Variants in TMEM80 observed in about 807,000 individuals in gnomAD.
TMEM80 encodes the protein transmembrane protein 80.
A neutral mutation model predicts 13.6 loss-of-function variants in TMEM80; 16 were observed. The observed-to-expected ratio is 1.17, with a 90% confidence interval of 0.79 to 1.78. The LOEUF is 1.78. TMEM80 is among the 40% of genes most tolerant of loss of function. The pLI is 0.00. For synonymous variants in TMEM80, 92 were observed against 89.5 expected, an observed-to-expected ratio of 1.03 and a Z score of -0.16; for missense variants, 167 against 184.6, an observed-to-expected ratio of 0.90 and a Z score of 0.55.
At chr11:701,050 G>T in intron 4 of TMEM80, 1 of 360,212 alleles carries the variant, frequency 2.8e-6, no homozygotes. Flanking sequence ...CCTTCCCCTT[G>T]CCCTTAGCTG....
intron 2 of TMEM80, 183 bp from the exon 3 acceptor site, chr11:699,959 G>A (rs1422669861): frequency 5.2e-6 from 3 of 574,772 alleles, no homozygotes; most frequent in Admixed American, 6.1e-5. Context: ...CAGCTCATGG[G>A]ACCACATTGG....
chr11:703,860 G>A lies in TMEM80; in HGVS notation c.*710G>A, dbSNP rs1028833407. The A allele has an allele frequency of 2.5e-5, 31 of 1,236,224 alleles. No homozygotes were observed. Among genetic ancestry groups the A allele is most frequent in the East Asian group, 9.5e-5 (3 of 31,726 alleles). The allele number at this position is 1,236,224 out of a possible 1,614,324, so 76.6% of individuals were successfully genotyped here. On this transcript the variant is annotated 3_prime_UTR_variant, in exon 5 of 5. Coordinates refer to ENST00000397510, the MANE Select transcript of TMEM80 (RefSeq NM_001042463.3). ...ATGAGACTGCAGGAGAGAGAGCAGC[G>A]GAGGGCCACATTCGGAGCCTCCGTC...
chr11:699,815 A>T, intron 2 of TMEM80: 2 of 282,898 alleles, frequency 7.1e-6, no homozygotes, highest in Non-Finnish European at 1.3e-5. Context: ...GGCCAAAGGC[A>T]GGGTGACATC....
chr11:695,861 G>T lies in TMEM80; in HGVS notation c.19+15G>T, dbSNP rs1215589979. ...CCCGCGGCGAGGTGAGCTCGGGCGG[G>T]GTGGGGGCTTCCGGGCTTGCAGCGG... is the stretch of plus-strand genomic sequence containing the variant. On this transcript the variant is annotated intron_variant, in intron 1 of 4. Coordinates refer to ENST00000397510, the MANE Select transcript of TMEM80 (RefSeq NM_001042463.3). 1 of 1,228,412 alleles carries T rather than the reference G, an allele frequency of 8.1e-7. No homozygotes were observed. Among genetic ancestry groups the T allele is most frequent in the Non-Finnish European group, 1.0e-6 (1 of 984,900 alleles). The allele number at this position is 1,228,412 out of a possible 1,614,324, so 76.1% of individuals were successfully genotyped here. A position where few individuals can be genotyped will look rare whatever the true frequency, so the allele number is the denominator to read the frequency against.
chr11:699,192 C>G (rs1008410597), intron 2 of TMEM80: 2 of 474,024 alleles, frequency 4.2e-6, no homozygotes, highest in Non-Finnish European at 7.5e-6. Flanking sequence ...AAATCCCTCA[C>G]TTTGTCCCTA....
At chr11:698,085 A>C (rs1861280704) in intron 1 of TMEM80, 1 of 152,238 alleles carries the variant, frequency 6.6e-6, no homozygotes, top group Admixed American at 6.5e-5. Context: ...CTTTTATGAG[A>C]GGTTTCCACC....
Position 702,963 on chromosome 11 carries a change from CAG to C in TMEM80, c.248_249del (p.Glu83GlyfsTer2), listed in dbSNP as rs779900865. On this transcript the variant is annotated frameshift_variant, in exon 5 of 5. Transcript: ENST00000397510. LOFTEE classifies it low-confidence loss of function (END_TRUNC). Reference sequence around the variant, plus strand: ...TCTCCAGGCACCAGGGGCAACCTGACAGAGGCTGAGAGGCCGCTGGCCGCCAG... The same window carrying C: ...TCTCCAGGCACCAGGGGCAACCTGACAGGCTGAGAGGCCGCTGGCCGCCAG... The C allele has an allele frequency of 1.9e-6, 3 of 1,609,346 alleles. No homozygotes were observed. Among genetic ancestry groups the C allele is most frequent in the Admixed American group, 1.7e-5 (1 of 59,894 alleles).
chr11:700,773 C>T, intron 4 of TMEM80, 66 bp downstream of exon 4: 5 of 1,401,552 alleles, frequency 3.6e-6, no homozygotes, highest in Non-Finnish European at 5.1e-6. Flanking sequence ...CACAGCCTTT[C>T]AAGAGTAATT....
Position 703,370 on chromosome 11 carries a change from T to G in TMEM80, c.*220T>G, listed in dbSNP as rs1590040202. 1.4e-6 allele frequency: 2 copies of G among 1,389,168 alleles called. No homozygotes were observed. Among genetic ancestry groups the G allele is most frequent in the Admixed American group, 3.3e-5 (1 of 30,710 alleles). 86.1% of individuals were successfully genotyped at this position (1,389,168 alleles called of 1,614,324 possible). A position where few individuals can be genotyped will look rare whatever the true frequency, so the allele number is the denominator to read the frequency against. On this transcript the variant is annotated 3_prime_UTR_variant, in exon 5 of 5. Coordinates refer to ENST00000397510, the MANE Select transcript of TMEM80 (RefSeq NM_001042463.3). ...GTGTTGGGAACAGCTGCGGGGAGGGTAGGGACCAGACAGAACTGCCTTCAA... is the reference window on the plus strand; with the variant it reads ...GTGTTGGGAACAGCTGCGGGGAGGGGAGGGACCAGACAGAACTGCCTTCAA...
intron 1 of TMEM80, among the ~76,000 whole-genome samples, chr11:698,630 C>T (rs930433996): frequency 6.6e-5 from 10 of 152,132 alleles, no homozygotes; most frequent in East Asian, 1.9e-4. Flanking sequence ...CCGGTGCCCC[C>T]GGTACTCGCT....
intron 3 of TMEM80, 115 bp from the exon 4 acceptor site, chr11:700,500 C>T: frequency 3.4e-6 from 3 of 893,108 alleles, no homozygotes. Context: ...GAACTCCATC[C>T]TGGGTGACAG....
Position 703,369 on chromosome 11 carries a change from G to A in TMEM80, c.*219G>A. 2.9e-6 allele frequency: 4 copies of A among 1,391,180 alleles called. No individual in the cohort carries two copies. The highest frequency in any genetic ancestry group is 3.7e-6 in the Non-Finnish European group (4 of 1,077,294). The allele number at this position is 1,391,180 out of a possible 1,614,324, so 86.2% of individuals were successfully genotyped here. On this transcript the variant is annotated 3_prime_UTR_variant, in exon 5 of 5. Transcript: ENST00000397510. ...GGTGTTGGGAACAGCTGCGGGGAGG[G>A]TAGGGACCAGACAGAACTGCCTTCA...
At chr11:702,711 A>G (rs1249248980) in intron 4 of TMEM80, among the ~76,000 whole-genome samples, 1 of 152,174 alleles carries the variant, frequency 6.6e-6, no homozygotes, top group African/African-American at 2.4e-5. Context: ...AGATCAAACC[A>G]TGCTGTTGCA....
chr11:703,604 G>C lies in TMEM80; in HGVS notation c.*454G>C, dbSNP rs751073769. 2.4e-6 allele frequency: 3 copies of C among 1,232,978 alleles called. No homozygotes were observed. In the East Asian group the frequency reaches 9.5e-5, roughly 39 times the overall value. The allele number at this position is 1,232,978 out of a possible 1,614,324, so 76.4% of individuals were successfully genotyped here. ...AGATCCCAGTTTACTCCGTGGCCAG[G>C]CCCCACCTGTGTTTCCAAGTCGGGC... On this transcript the variant is annotated 3_prime_UTR_variant, in exon 5 of 5. Coordinates refer to ENST00000397510, the MANE Select transcript of TMEM80 (RefSeq NM_001042463.3).
chr11:700,914 A>C lies in TMEM80; in HGVS notation c.226+207A>C, dbSNP rs1861425762. ...CCCAGAGACAAATAACACTGGGGGCATCGTTGGGAGAGACTCTGTGTTTGG... is the reference window on the plus strand; with the variant it reads ...CCCAGAGACAAATAACACTGGGGGCCTCGTTGGGAGAGACTCTGTGTTTGG... On this transcript the variant is annotated intron_variant, in intron 4 of 4. Transcript: ENST00000397510. 3 of 608,600 alleles carry C rather than the reference A, an allele frequency of 4.9e-6. No homozygotes were observed. The East Asian group carries it at 8.3e-5, about 17-fold the overall frequency. The allele number at this position is 608,600 out of a possible 1,614,324, so 37.7% of individuals were successfully genotyped here.
chr11:698,945 C>G (rs956293094), intron 2 of TMEM80, 57 bp downstream of exon 2: 3 of 1,608,032 alleles, frequency 1.9e-6, no homozygotes, highest in Non-Finnish European at 8.5e-7. Flanking sequence ...TGCTGCTGCA[C>G]AGAGAGCACT....
At chr11:699,058 C>G in intron 2 of TMEM80, 170 bp downstream of exon 2, 1 of 776,046 alleles carries the variant, frequency 1.3e-6, no homozygotes, top group Non-Finnish European at 2.2e-6. Context: ...TTCCTCGGAT[C>G]AGTTCTGCTG....
rs144575238 is a variant in TMEM80, at chr11:700,652, C to T, written c.171C>T (p.Leu57=). 6.1e-5 allele frequency: 98 copies of T among 1,613,962 alleles called. No homozygotes were observed. The highest frequency in any genetic ancestry group is 2.7e-4 in the East Asian group (12 of 44,896). The part of the protein sequence containing the change: ...VFSYPHRYLV[L]DLALLFLMGI... Reference sequence around the variant, plus strand: ...GCTATCCTCACCGCTACCTGGTCCTCGATCTTGCTCTGCTGTTTCTGATGG... The same window carrying T: ...GCTATCCTCACCGCTACCTGGTCCTTGATCTTGCTCTGCTGTTTCTGATGG... The change falls in exon 4 of 5, where the codon CTC becomes CTT. Residue 57 remains leucine, a synonymous_variant. Coordinates refer to ENST00000397510, the MANE Select transcript of TMEM80 (RefSeq NM_001042463.3).
At chr11:702,206 C>T (rs1051911168) in intron 4 of TMEM80, among the ~76,000 whole-genome samples, 4 of 152,360 alleles carry the variant, frequency 2.6e-5, no homozygotes, top group African/African-American at 9.6e-5. Flanking sequence ...CTCAGCTGCC[C>T]ATCCCACTGA....
Sources: gnomAD v4.1 joint callset for allele counts (sites outside exome capture counted in the v4.1 genomes callset) on GRCh38, gnomAD v4.1.1 for gene constraint, MANE v1.5 for transcripts, NCBI Gene and HGNC (gene_info 2026-07-23, HGNC 2026-07-21) for gene names.